The following SLC35F5 variants were observed in gnomAD, a reference collection of about 807,000 sequenced individuals.
SLC35F5 encodes the protein solute carrier family 35 member F5, also known as HCV NS5A-transactivated protein 3.
SLC35F5 carries 54 observed loss-of-function variants against 68.6 expected under a neutral mutation model. The ratio of observed to expected loss-of-function variants is 0.79; its 90% CI spans 0.63 to 0.99. SLC35F5 has a LOEUF of 0.99. SLC35F5 is among the 50% of genes least tolerant of loss of function. The pLI is 0.00. For missense variants in SLC35F5, 567 were observed against 626.9 expected (o/e 0.90, Z 1.02); for synonymous variants, 211 against 205.2 (o/e 1.03, Z -0.24).
chr2:113,734,177 A>G (rs1474014711), intron 9 of SLC35F5, among the ~76,000 whole-genome samples: 6 of 152,268 alleles, frequency 3.9e-5, no homozygotes. Context: ...GGCTTAGACA[A>G]TTAGAGAAAA....
rs1686951187 is a variant in SLC35F5, at chr2:113,710,559, A to T, written c.*4659T>A. ...AGCCTGGCCAACATGGTGAAACCCC[A>T]TCTCTACTAAAAACACAAAAATTAG... On this transcript the variant is annotated 3_prime_UTR_variant, in exon 16 of 16. Coordinates refer to ENST00000245680, the MANE Select transcript of SLC35F5 (RefSeq NM_025181.5). Among the ~76,000 whole-genome samples, 3 of 152,010 alleles carry T rather than the reference A, an allele frequency of 2.0e-5. No individual in the cohort carries two copies. The South Asian group carries it at 6.2e-4, about 32-fold the overall frequency.
intron 10 of SLC35F5, 101 bp downstream of exon 10, chr2:113,731,483 C>A: frequency 1.3e-6 from 1 of 772,584 alleles, no homozygotes; most frequent in Non-Finnish European, 2.1e-6. Context: ...AAAACCCACC[C>A]TGCTAGTGCC....
chr2:113,728,754 A>G (rs930545120), intron 11 of SLC35F5, among the ~76,000 whole-genome samples: 2 of 152,198 alleles, frequency 1.3e-5, no homozygotes, highest in Non-Finnish European at 2.9e-5. Flanking sequence ...TTATATTCAG[A>G]TATCTTTTGA....
intron 9 of SLC35F5, among the ~76,000 whole-genome samples, chr2:113,733,638 T>G (rs1006589747): frequency 3.0e-4 from 45 of 152,204 alleles, no homozygotes; most frequent in African/African-American, 1.0e-3. Flanking sequence ...TAATTTACCC[T>G]TATAACTAAA....
At chr2:113,704,346 C>T (rs897439186), downstream of SLC35F5, among the ~76,000 whole-genome samples, 2 of 152,220 alleles carry the variant, frequency 1.3e-5, no homozygotes, top group Non-Finnish European at 2.9e-5. Flanking sequence ...GAGTCAGGAG[C>T]CCAGCCGGCT....
rs1676719297 is a variant in SLC35F5 at position 113,751,107 on chromosome 2, C to T, written c.274-539G>A. 2.0e-5 allele frequency among the ~76,000 whole-genome samples: 3 copies of T among 152,144 alleles called. No individual in the cohort carries two copies. In the South Asian group the frequency reaches 6.2e-4, roughly 32 times the overall value. The stretch of plus-strand genomic sequence containing the variant: ...GCTGCAGTGAGCCATGGTCAAGCCA[C>T]TGCACTCCAGCCTGGGCAACAGAGC... On this transcript the variant is annotated intron_variant, in intron 3 of 15. Coordinates refer to ENST00000245680, the MANE Select transcript of SLC35F5 (RefSeq NM_025181.5).
rs1363966080 is a variant in SLC35F5, at chr2:113,712,505, C to T, written c.*2713G>A. Among the ~76,000 whole-genome samples the T allele has an allele frequency of 3.9e-5, 6 of 152,022 alleles. No individual in the cohort carries two copies. Among genetic ancestry groups the T allele is most frequent in the South Asian group, 2.1e-4 (1 of 4,826 alleles). ...TAATTCTTTGTATTTTTAGTAGAGACGGGGTTTCACTGTGTTAACCAGGAT... is the reference window on the plus strand; with the variant it reads ...TAATTCTTTGTATTTTTAGTAGAGATGGGGTTTCACTGTGTTAACCAGGAT... On this transcript the variant is annotated 3_prime_UTR_variant, in exon 16 of 16. Transcript: ENST00000245680.
chr2:113,723,345 T>C, intron 12 of SLC35F5, 151 bp from the exon 13 acceptor site: 1 of 378,764 alleles, frequency 2.6e-6, no homozygotes, highest in Non-Finnish European at 4.6e-6. Context: ...TATAATAAAG[T>C]TATTAAGATG....
rs763431237 is a variant in SLC35F5, at chr2:113,742,759, A to G, written c.683T>C (p.Ile228Thr). The part of the protein sequence containing the change: ...MSYPVKEQES[I>T]LKTVGKLTAT... ...AGTAAGTTTCCCCACAGTTTTCAGT[A>G]TGGATTCTTGTTCTTTCACAGGATA... is the stretch of plus-strand genomic sequence containing the variant. Residue 228 changes from isoleucine (I) to threonine (T), a missense_variant, in exon 7 of 16, where the codon ATA becomes ACA. Ile to Thr is a moderately conservative substitution (Grantham distance 89). Coordinates refer to ENST00000245680, the MANE Select transcript of SLC35F5 (RefSeq NM_025181.5). 6.2e-7 allele frequency: 1 copy of G among 1,614,094 alleles called. No homozygotes were observed. Among genetic ancestry groups the G allele is most frequent in the Non-Finnish European group, 8.5e-7 (1 of 1,179,994 alleles).
chr2:113,752,244 G>C (rs1477980145), intron 3 of SLC35F5, among the ~76,000 whole-genome samples: 1 of 150,750 alleles, frequency 6.6e-6, no homozygotes, highest in African/African-American at 2.4e-5. Flanking sequence ...GATTAATAAG[G>C]CCATATTAAA....
At chr2:113,720,342 A>G (rs202013603) in intron 13 of SLC35F5, among the ~76,000 whole-genome samples, 2 of 142,534 alleles carry the variant, frequency 1.4e-5, no homozygotes, top group Admixed American at 7.0e-5. Flanking sequence ...AAAAAAAAAA[A>G]GGGCATGGAA....
At chr2:113,721,423 G>A (rs565402618) in intron 13 of SLC35F5, 31 of 154,060 alleles carry the variant, frequency 2.0e-4, no homozygotes, top group Middle Eastern at 1.1e-3. Flanking sequence ...ACATTTCCCC[G>A]TTTTGTCTTT....
intron 13 of SLC35F5, among the ~76,000 whole-genome samples, chr2:113,720,125 C>T (rs1386083817): frequency 2.7e-5 from 4 of 150,572 alleles, no homozygotes; most frequent in South Asian, 4.3e-4. Flanking sequence ...CAAAACAAAA[C>T]TCATTCTTCC....
chr2:113,730,900 C>CA (rs1164929471), intron 10 of SLC35F5, among the ~76,000 whole-genome samples: 4 of 152,124 alleles, frequency 2.6e-5, no homozygotes, highest in African/African-American at 9.7e-5. Context: ...AAGTATCCCC[C>CA]ACAAGATGCT....
At chr2:113,738,451 T>C (rs571010366) in intron 7 of SLC35F5, among the ~76,000 whole-genome samples, 33 of 152,134 alleles carry the variant, frequency 2.2e-4, no homozygotes, top group Non-Finnish European at 4.7e-4. Flanking sequence ...CTGAATAATA[T>C]TACATTATGT....
intron 6 of SLC35F5, among the ~76,000 whole-genome samples, chr2:113,743,473 A>G (rs959928267): frequency 7.2e-5 from 11 of 152,194 alleles, no homozygotes; most frequent in African/African-American, 2.7e-4. Flanking sequence ...GTGTGTATAC[A>G]TATATATGAT....
chr2:113,702,980 T>C (rs145629729), downstream of SLC35F5, among the ~76,000 whole-genome samples: 4 of 152,172 alleles, frequency 2.6e-5, no homozygotes, highest in African/African-American at 9.6e-5. Context: ...CTTGTTGGTG[T>C]GCACCTGTAG....
At chr2:113,729,602 C>T (rs1687805981) in intron 10 of SLC35F5, 97 bp from the exon 11 acceptor site, 1 of 682,898 alleles carries the variant, frequency 1.5e-6, no homozygotes, top group Non-Finnish European at 2.6e-6. Flanking sequence ...CAAGAATATA[C>T]AAAAGTGAAA....
chr2:113,708,774 A>C lies in SLC35F5; in HGVS notation c.*6444T>G, dbSNP rs771967329. The stretch of plus-strand genomic sequence containing the variant: ...GCTATAGTAAATTAATCATACACTC[A>C]AAATTTTAGCTTGGATTTGTTTTGC... On this transcript the variant is annotated 3_prime_UTR_variant, in exon 16 of 16. Transcript: ENST00000245680. 1.3e-5 allele frequency among the ~76,000 whole-genome samples: 2 copies of C among 152,200 alleles called. No homozygotes were observed. The highest frequency in any genetic ancestry group is 2.9e-5 in the Non-Finnish European group (2 of 68,024).
Sources: allele counts gnomAD v4.1 joint callset (sites outside exome capture counted in the v4.1 genomes callset), GRCh38; gene constraint gnomAD v4.1.1; transcripts MANE v1.5; gene names NCBI Gene and HGNC (gene_info 2026-07-23, HGNC 2026-07-21).